Variants in PHYHIPL observed in about 807,000 individuals in gnomAD.
The protein encoded by PHYHIPL is phytanoyl-CoA 2-hydroxylase interacting protein like.
Under a neutral mutation model 33.4 loss-of-function variants are expected in PHYHIPL, and 9 were observed. That is an observed-to-expected ratio of 0.27 (90% CI 0.16 to 0.47). The LOEUF (loss-of-function observed/expected upper bound fraction) is 0.47. Ranked by LOEUF, PHYHIPL falls within the 20% of genes least tolerant of loss-of-function variation. The pLI is 0.99. For missense variants in PHYHIPL, 365 were observed against 460.7 expected, an observed-to-expected ratio of 0.79 and a Z score of 1.90; for synonymous variants, 153 against 154.1, an observed-to-expected ratio of 0.99 and a Z score of 0.05.
intron 1 of PHYHIPL, among the ~76,000 whole-genome samples, chr10:59,211,661 C>A (rs1839444807): frequency 7.0e-5 from 1 of 14,250 alleles, no homozygotes; most frequent in East Asian, 2.9e-3. Flanking sequence ...TAGGCGGACT[C>A]TCTAAAAAAA....
chr10:59,195,972 A>T (rs1838901707), intron 1 of PHYHIPL, among the ~76,000 whole-genome samples: 1 of 152,182 alleles, frequency 6.6e-6, no homozygotes, highest in Non-Finnish European at 1.5e-5. Context: ...TGTTAGCTAT[A>T]GAGCTTAATA....
chr10:59,242,831 A>AAGAT (rs1419399176), intron 4 of PHYHIPL, among the ~76,000 whole-genome samples: 1 of 152,202 alleles, frequency 6.6e-6, no homozygotes, highest in East Asian at 1.9e-4. Flanking sequence ...AGTAAACTTG[A>AAGAT]AGATAGAATA....
chr10:59,207,343 CTA>C (rs1839314137), intron 1 of PHYHIPL, among the ~76,000 whole-genome samples: 1 of 152,162 alleles, frequency 6.6e-6, no homozygotes. Context: ...ACTCCCTCCC[CTA>C]GCCAAAGGAA....
At chr10:59,198,179 A>G (rs1416314712) in intron 1 of PHYHIPL, among the ~76,000 whole-genome samples, 1 of 152,020 alleles carries the variant, frequency 6.6e-6, no homozygotes, top group Admixed American at 6.6e-5. Context: ...CATTACGTAT[A>G]TCTCCTAATG....
chr10:59,219,133 A>G, intron 1 of PHYHIPL: 1 of 363,874 alleles, frequency 2.7e-6, no homozygotes, highest in Non-Finnish European at 3.8e-6. Flanking sequence ...CAGAAAAATA[A>G]TATTCTAGGT....
At chr10:59,206,863 C>T (rs1839297079) in intron 1 of PHYHIPL, 1 of 1,019,386 alleles carries the variant, frequency 9.8e-7, no homozygotes, top group Non-Finnish European at 1.2e-6. Context: ...ACTTCATCTC[C>T]TGCACTAGTC....
At chr10:59,230,068 G>A (rs1020028885) in intron 1 of PHYHIPL, among the ~76,000 whole-genome samples, 2 of 152,090 alleles carry the variant, frequency 1.3e-5, no homozygotes, top group South Asian at 2.1e-4. Flanking sequence ...GACTTTGAAG[G>A]TAGGTGTAAA....
In PHYHIPL at chr10:59,245,795, T is replaced by A; in HGVS notation, c.*204T>A. 1.8e-6 allele frequency: 1 copy of A among 543,674 alleles called. No homozygotes were observed. Among genetic ancestry groups the A allele is most frequent in the South Asian group, 2.8e-5 (1 of 35,796 alleles). 33.7% of individuals were successfully genotyped at this position (543,674 alleles called of 1,614,324 possible). ...CTACCCCTCCCACTACTTTCAATGA[T>A]GAAATACCCTAAGTTAAGTTCTCCT... On this transcript the variant is annotated 3_prime_UTR_variant, in exon 5 of 5. Transcript: ENST00000373880.
At chr10:59,177,572 G>T in intron 1 of PHYHIPL, 1 of 1,551,672 alleles carries the variant, frequency 6.4e-7, no homozygotes, top group Non-Finnish European at 8.7e-7. Flanking sequence ...TCAGACTGTC[G>T]AAAATATTGG....
At chr10:59,188,372 G>T (rs1838677885) in intron 1 of PHYHIPL, among the ~76,000 whole-genome samples, 1 of 151,920 alleles carries the variant, frequency 6.6e-6, no homozygotes, top group African/African-American at 2.4e-5. Context: ...TGCTGGGGAG[G>T]GCTTTACTTC....
At chr10:59,207,457 T>G (rs1265370310) in intron 1 of PHYHIPL, among the ~76,000 whole-genome samples, 2 of 152,238 alleles carry the variant, frequency 1.3e-5, no homozygotes, top group Admixed American at 1.3e-4. Flanking sequence ...CCCTCAGGTG[T>G]CTCTGCCACC....
intron 1 of PHYHIPL, among the ~76,000 whole-genome samples, chr10:59,208,878 A>T (rs1839363253): frequency 6.6e-6 from 1 of 152,170 alleles, no homozygotes; most frequent in Non-Finnish European, 1.5e-5. Context: ...GATTAGAGAA[A>T]AAAGAACGAA....
chr10:59,208,382 C>A (rs1423842773), intron 1 of PHYHIPL, among the ~76,000 whole-genome samples: 2 of 152,090 alleles, frequency 1.3e-5, no homozygotes, highest in Non-Finnish European at 2.9e-5. Flanking sequence ...GCGTCAACTT[C>A]AACAAAAAGG....
chr10:59,194,664 G>A (rs544858380), intron 1 of PHYHIPL, among the ~76,000 whole-genome samples: 69 of 152,256 alleles, frequency 4.5e-4, no homozygotes, highest in African/African-American at 1.6e-3. Context: ...GTTTCTTTCA[G>A]AAGGATTTGA....
At chr10:59,206,494 TCTAA>T (rs1420624989) in intron 1 of PHYHIPL, among the ~76,000 whole-genome samples, 5 of 152,308 alleles carry the variant, frequency 3.3e-5, no homozygotes, top group East Asian at 1.9e-4. Flanking sequence ...CCCAACGTAG[TCTAA>T]CTGAGTCTGT....
chr10:59,215,685 CAGT>C, intron 1 of PHYHIPL, among the ~76,000 whole-genome samples: 1 of 151,814 alleles, frequency 6.6e-6, no homozygotes, highest in South Asian at 2.1e-4. Flanking sequence ...TGGAGAATGT[CAGT>C]AGTAATGGGA....
At chr10:59,225,009 A>G (rs1214927157) in intron 1 of PHYHIPL, among the ~76,000 whole-genome samples, 5 of 151,688 alleles carry the variant, frequency 3.3e-5, no homozygotes, top group African/African-American at 1.2e-4. Context: ...TAAAAAACCA[A>G]AAAGGATGAA....
upstream of PHYHIPL, among the ~76,000 whole-genome samples, chr10:59,173,936 T>G (rs1393234015): frequency 9.8e-6 from 1 of 102,094 alleles, no homozygotes; most frequent in Non-Finnish European, 1.9e-5. Flanking sequence ...TTTTTTTTTT[T>G]TTTTTTTTTT....
At chr10:59,204,866 T>G (rs1366941687) in intron 1 of PHYHIPL, among the ~76,000 whole-genome samples, 1 of 145,944 alleles carries the variant, frequency 6.9e-6, no homozygotes. Context: ...TCATAAAGTT[T>G]TTTTTTTTTT....
Sources: allele counts gnomAD v4.1 joint callset (sites outside exome capture counted in the v4.1 genomes callset), GRCh38; gene constraint gnomAD v4.1.1; transcripts MANE v1.5; gene names NCBI Gene and HGNC (gene_info 2026-07-23, HGNC 2026-07-21).